SNX29: variants seen among roughly 807,000 people sequenced by gnomAD.
SNX29 encodes sorting nexin 29.
Under a neutral mutation model 102.1 loss-of-function variants are expected in SNX29, and 78 were observed. That is an observed-to-expected ratio of 0.76 (90% CI 0.64 to 0.92). SNX29 has a LOEUF of 0.92. SNX29 is among the 40% of genes least tolerant of loss of function. The probability of loss-of-function intolerance (pLI) is 0.00; values close to 1 mark genes in which losing one functional copy is unlikely to be tolerated. For synonymous variants in SNX29, 580 were observed against 414.5 expected (o/e 1.40, Z -4.85); for missense variants, 1,280 against 1,061.7 (o/e 1.21, Z -2.86).
At position 12,568,510 on chromosome 16, in the gene SNX29, A is replaced by G. The variant is rs770428780; in HGVS notation, c.2323A>G (p.Ile775Val). The change falls in exon 21 of 21, where the codon ATC becomes GTC. Residue 775 changes from isoleucine (I) to valine (V), a missense_variant. Transcript: ENST00000566228. The part of the protein sequence containing the change: ...LIQLMPFFVD[I>V]TPPGEPVNSR... ...ATTCTCTCCCTGCTCTTTCAGCGAC[A>G]TCACCCCGCCCGGAGAGCCTGTGAA... is the stretch of plus-strand genomic sequence containing the variant. 6.2e-7 allele frequency: 1 copy of G among 1,609,744 alleles called. No homozygotes were observed. The highest frequency in any genetic ancestry group is 1.1e-5 in the South Asian group (1 of 91,060).
chr16:12,007,933 G>A (rs1282776592), intron 3 of SNX29, among the ~76,000 whole-genome samples: 3 of 152,042 alleles, frequency 2.0e-5, no homozygotes, highest in Admixed American at 2.0e-4. Context: ...TGTTTTTAAA[G>A]CTTTTCACTA....
Position 12,042,949 on chromosome 16 carries a change from G to A in SNX29, c.300G>A (p.Gln100=), listed in dbSNP as rs1231820214. The A allele has an allele frequency of 1.2e-6, 2 of 1,613,840 alleles. No individual in the cohort carries two copies. Among genetic ancestry groups the A allele is most frequent in the East Asian group, 4.5e-5 (2 of 44,880 alleles). ...AGGTCCTCAACAAGCACGAGCTGCA[G>A]CGCTTCTACTCCCTGCGCCACATCG... ...VKEVLNKHEL[Q]RFYSLRHIAS... The change falls in exon 5 of 21, where the codon CAG becomes CAA. Residue 100 remains glutamine, a synonymous_variant. Transcript: ENST00000566228.
intron 19 of SNX29, among the ~76,000 whole-genome samples, chr16:12,496,297 G>A (rs985909515): frequency 6.6e-6 from 1 of 152,158 alleles, no homozygotes; most frequent in Non-Finnish European, 1.5e-5. Flanking sequence ...TTGTGTTTCC[G>A]TGGTGGTGGT....
chr16:12,415,570 G>C (rs984790173), intron 18 of SNX29, among the ~76,000 whole-genome samples: 4 of 152,152 alleles, frequency 2.6e-5, no homozygotes, highest in African/African-American at 9.7e-5. Flanking sequence ...TTGATGTCTT[G>C]GGGTCCTGCA....
chr16:12,150,110 C>T (rs2055233954), intron 13 of SNX29, among the ~76,000 whole-genome samples: 1 of 152,012 alleles, frequency 6.6e-6, no homozygotes, highest in African/African-American at 2.4e-5. Flanking sequence ...GGATAGTGGG[C>T]AACTATTGAA....
At chr16:12,538,026 A>T (rs1276388339) in intron 20 of SNX29, among the ~76,000 whole-genome samples, 1 of 152,144 alleles carries the variant, frequency 6.6e-6, no homozygotes, top group Admixed American at 6.5e-5. Context: ...TATAGACCAA[A>T]ATCGTCCTGT....
intron 14 of SNX29, among the ~76,000 whole-genome samples, chr16:12,202,563 C>T (rs559308854): frequency 7.2e-5 from 11 of 152,342 alleles, no homozygotes; most frequent in Non-Finnish European, 7.3e-5. Context: ...AATTCCACTT[C>T]GTTGTAACTC....
intron 18 of SNX29, among the ~76,000 whole-genome samples, chr16:12,407,170 C>T (rs1320755922): frequency 8.9e-6 from 1 of 111,850 alleles, no homozygotes; most frequent in Non-Finnish European, 2.2e-5. Context: ...GGGAGAAGGG[C>T]CCCCGCTTTT....
intron 19 of SNX29, among the ~76,000 whole-genome samples, chr16:12,488,267 CCT>C (rs1161891706): frequency 2.6e-5 from 4 of 152,192 alleles, no homozygotes; most frequent in South Asian, 4.2e-4. Context: ...TGAAGAGACT[CCT>C]CTTGGTGGTC....
intron 16 of SNX29, among the ~76,000 whole-genome samples, chr16:12,398,063 C>G (rs566950881): frequency 1.3e-5 from 2 of 152,274 alleles, no homozygotes; most frequent in South Asian, 2.1e-4. Context: ...CTGGGTGTGT[C>G]TGTGTGTGTG....
intron 3 of SNX29, among the ~76,000 whole-genome samples, chr16:12,023,832 C>T (rs998891742): frequency 2.6e-5 from 4 of 152,098 alleles, no homozygotes; most frequent in Non-Finnish European, 5.9e-5. Flanking sequence ...CTACTTGATT[C>T]ACTAGTTTTA....
At chr16:12,530,551 T>G (rs548601193) in intron 20 of SNX29, among the ~76,000 whole-genome samples, 15 of 151,514 alleles carry the variant, frequency 9.9e-5, no homozygotes, top group African/African-American at 2.9e-4. Context: ...GTTTTTTTTT[T>G]TTGTTTTTTG....
intron 14 of SNX29, among the ~76,000 whole-genome samples, chr16:12,238,817 G>A (rs1213661107): frequency 6.6e-6 from 1 of 152,186 alleles, no homozygotes; most frequent in East Asian, 1.9e-4. Flanking sequence ...CAGAGCTGTC[G>A]AGTGTCTCTG....
At position 12,571,297 on chromosome 16, in the gene SNX29, C is replaced by T. The variant is rs2079182369; in HGVS notation, c.*2668C>T. 1 of 232,038 alleles carries T rather than the reference C, an allele frequency of 4.3e-6. No individual in the cohort carries two copies. Among genetic ancestry groups the T allele is most frequent in the East Asian group, 6.1e-5 (1 of 16,438 alleles). 14.4% of individuals were successfully genotyped at this position (232,038 alleles called of 1,614,324 possible). A position where few individuals can be genotyped will look rare whatever the true frequency, so the allele number is the denominator to read the frequency against. ...GAAACCTGGTGCCCAAATTCCACAC[C>T]CTGGAAATGTGTCAACTGCCTGTCA... is the stretch of plus-strand genomic sequence containing the variant. On this transcript the variant is annotated 3_prime_UTR_variant, in exon 21 of 21. Transcript: ENST00000566228.
chr16:12,164,680 CTTTTTTTTTTTT>C (rs34046413), intron 13 of SNX29, among the ~76,000 whole-genome samples: 6 of 90,606 alleles, frequency 6.6e-5, no homozygotes, highest in Admixed American at 4.7e-4. Flanking sequence ...TTATTCATGC[CTTTTTTTTTTTT>C]TTTTTTTTTG....
chr16:12,047,812 C>A lies in SNX29; in HGVS notation c.500-560C>A, dbSNP rs62037737. On this transcript the variant is annotated intron_variant, in intron 6 of 20. Transcript: ENST00000566228. ...AGCTGGGATTATAGGCATGCACCAA[C>A]ACGCCTGGCTAATTTTGTATTTTTA... 2.0e-3 allele frequency among the ~76,000 whole-genome samples: 305 copies of A among 152,174 alleles called. 1 individual carries two copies. The highest frequency in any genetic ancestry group is 3.3e-3 in the Admixed American group (51 of 15,294).
intron 18 of SNX29, among the ~76,000 whole-genome samples, chr16:12,405,632 T>A (rs551379258): frequency 6.6e-6 from 1 of 152,340 alleles, no homozygotes; most frequent in African/African-American, 2.4e-5. Flanking sequence ...TTTGGAAGCA[T>A]TTTAGAAATC....
Position 12,196,188 on chromosome 16 carries a change from C to G in SNX29, c.1596-3413C>G, listed in dbSNP as rs1045160241. ...ATGGGGTTTCACCATGTTGCCCAGG[C>G]TGTTGTCCTGGGCTCAAGTAATTGG... On this transcript the variant is annotated intron_variant, in intron 13 of 20. Coordinates refer to ENST00000566228, the MANE Select transcript of SNX29 (RefSeq NM_032167.5). 2.2e-4 allele frequency among the ~76,000 whole-genome samples: 34 copies of G among 151,968 alleles called. 1 individual carries two copies. Among genetic ancestry groups the G allele is most frequent in the Middle Eastern group, 3.2e-3 (1 of 316 alleles).
At chr16:12,567,371 C>T (rs184161126) in intron 20 of SNX29, among the ~76,000 whole-genome samples, 10 of 152,266 alleles carry the variant, frequency 6.6e-5, no homozygotes, top group African/African-American at 2.4e-4. Flanking sequence ...TGTTTTAAAA[C>T]ATTTTATCCC....
Sources: gnomAD v4.1 joint callset for allele counts (sites outside exome capture counted in the v4.1 genomes callset) on GRCh38, gnomAD v4.1.1 for gene constraint, MANE v1.5 for transcripts, NCBI Gene and HGNC (gene_info 2026-07-23, HGNC 2026-07-21) for gene names.